LSMEM2: variants seen among roughly 807,000 people sequenced by gnomAD.
LSMEM2 encodes leucine-rich single-pass membrane protein 2.
In LSMEM2, 20 loss-of-function variants were observed where a neutral mutation model predicts 17.3. The observed-to-expected ratio is 1.16, with a 90% confidence interval of 0.81 to 1.68. The LOEUF (loss-of-function observed/expected upper bound fraction) is 1.68, where lower values mean the gene tolerates loss of function less well. LSMEM2 is among the 40% of genes most tolerant of loss of function. The pLI, the probability that LSMEM2 is intolerant of heterozygous loss-of-function variation, is 0.00. For synonymous variants in LSMEM2, 94 were observed against 97.8 expected, an observed-to-expected ratio of 0.96 and a Z score of 0.23; for missense variants, 207 against 214.3, an observed-to-expected ratio of 0.97 and a Z score of 0.21.
At chr3:50,279,794 T>G (rs1268558619) in intron 1 of LSMEM2, among the ~76,000 whole-genome samples, 1 of 151,934 alleles carries the variant, frequency 6.6e-6, no homozygotes, top group Non-Finnish European at 1.5e-5. Context: ...GGCCAGGACG[T>G]AGGACTGTCT....
chr3:50,281,084 C>G (rs1227618192), intron 1 of LSMEM2, among the ~76,000 whole-genome samples: 1 of 150,376 alleles, frequency 6.6e-6, no homozygotes, highest in Non-Finnish European at 1.5e-5. Flanking sequence ...GAGACAGAGT[C>G]TTGCTCTGTC....
At position 50,287,879 on chromosome 3, in the gene LSMEM2, T is replaced by C; in HGVS notation, c.*677T>C. 2.7e-6 allele frequency: 1 copy of C among 375,136 alleles called. No homozygotes were observed. The allele number at this position is 375,136 out of a possible 1,614,324, so 23.2% of individuals were successfully genotyped here. A position where few individuals can be genotyped will look rare whatever the true frequency, so the allele number is the denominator to read the frequency against. ...CCACCACCCCCCTAAGAGTGGGTCATCCTGGGGGAGCAAGGCCTGAGAAAG... is the reference window on the plus strand; with the variant it reads ...CCACCACCCCCCTAAGAGTGGGTCACCCTGGGGGAGCAAGGCCTGAGAAAG... On this transcript the variant is annotated 3_prime_UTR_variant, in exon 4 of 4. Coordinates refer to ENST00000316436, the MANE Select transcript of LSMEM2 (RefSeq NM_153215.3).
chr3:50,280,949 C>T (rs1179557379), intron 1 of LSMEM2, among the ~76,000 whole-genome samples: 2 of 152,096 alleles, frequency 1.3e-5, no homozygotes, highest in African/African-American at 2.4e-5. Flanking sequence ...TGTGCCTACC[C>T]TCTTTTGGGA....
intron 1 of LSMEM2, among the ~76,000 whole-genome samples, chr3:50,285,995 A>G (rs1380234538): frequency 6.6e-6 from 1 of 152,262 alleles, no homozygotes; most frequent in Admixed American, 6.5e-5. Flanking sequence ...AGCAGGGTTC[A>G]CACATGTACA....
At chr3:50,286,978 G>C in intron 3 of LSMEM2, 91 bp from the exon 4 acceptor site, 1 of 1,589,124 alleles carries the variant, frequency 6.3e-7, no homozygotes, top group Non-Finnish European at 8.6e-7. Flanking sequence ...GGATGGGGCG[G>C]GAGGCCCGTG....
intron 1 of LSMEM2, among the ~76,000 whole-genome samples, chr3:50,282,014 G>A (rs782775402): frequency 5.9e-5 from 9 of 151,814 alleles, no homozygotes; most frequent in Non-Finnish European, 1.3e-4. Context: ...CACCATGCCC[G>A]GCTAATTTTT....
chr3:50,278,409 ATGT>A (rs1247802840), upstream of LSMEM2, among the ~76,000 whole-genome samples: 4 of 152,316 alleles, frequency 2.6e-5, no homozygotes, highest in East Asian at 1.9e-4. Context: ...AATGCTCCAG[ATGT>A]TGTTCTCAGT....
rs1701590868 is a variant in LSMEM2, at chr3:50,288,094, AAAGT to A, written c.*893_*896del. 39 of 1,143,102 alleles carry A rather than the reference AAAGT, an allele frequency of 3.4e-5. No homozygotes were observed. The highest frequency in any genetic ancestry group is 4.9e-5 in the Non-Finnish European group (38 of 782,796). 70.8% of individuals were successfully genotyped at this position (1,143,102 alleles called of 1,614,324 possible). ...TTTTGGTTTTGTCATTAAAAAAAAT[AAAGT>A]GACAAATACTGGTGGAGACCAGTTG... On this transcript the variant is annotated 3_prime_UTR_variant, in exon 4 of 4. Coordinates refer to ENST00000316436, the MANE Select transcript of LSMEM2 (RefSeq NM_153215.3).
Position 50,287,241 on chromosome 3 carries a change from T to G in LSMEM2, c.*39T>G, listed in dbSNP as rs12629572. 0.15 allele frequency: 230,677 copies of G among 1,588,738 alleles called. 26,985 individuals carry two copies. Among genetic ancestry groups the G allele is most frequent in the East Asian group, 0.62 (25,584 of 41,476 alleles). On this transcript the variant is annotated 3_prime_UTR_variant, in exon 4 of 4. Coordinates refer to ENST00000316436, the MANE Select transcript of LSMEM2 (RefSeq NM_153215.3). ...TCTGGGGCCTGGGGGTGTGTGTTGG[T>G]GGGGGAATAAAGTGGCTATGGGCAG... is the stretch of plus-strand genomic sequence containing the variant.
chr3:50,281,277 G>C (rs1429069643), intron 1 of LSMEM2, among the ~76,000 whole-genome samples: 1 of 150,428 alleles, frequency 6.6e-6, no homozygotes, highest in Non-Finnish European at 1.5e-5. Flanking sequence ...AGCCAGGATG[G>C]TCTCGATCTC....
chr3:50,278,967 C>T, upstream of LSMEM2: 1 of 809,248 alleles, frequency 1.2e-6, no homozygotes, highest in African/African-American at 1.7e-5. Context: ...GATCACTCTG[C>T]CCCTTCCCAT....
chr3:50,288,105 T>C lies in LSMEM2; in HGVS notation c.*903T>C. 1 of 1,178,432 alleles carries C rather than the reference T, an allele frequency of 8.5e-7. No individual in the cohort carries two copies. The highest frequency in any genetic ancestry group is 1.2e-6 in the Non-Finnish European group (1 of 806,296). 73.0% of individuals were successfully genotyped at this position (1,178,432 alleles called of 1,614,324 possible). ...TCATTAAAAAAAATAAAGTGACAAA[T>C]ACTGGTGGAGACCAGTTGTTGCACT... On this transcript the variant is annotated 3_prime_UTR_variant, in exon 4 of 4. Coordinates refer to ENST00000316436, the MANE Select transcript of LSMEM2 (RefSeq NM_153215.3).
At chr3:50,280,228 C>T (rs1386296977) in intron 1 of LSMEM2, among the ~76,000 whole-genome samples, 5 of 143,750 alleles carry the variant, frequency 3.5e-5, no homozygotes, top group Admixed American at 2.1e-4. Flanking sequence ...GGTCTCGGCT[C>T]ACTGCAACCT....
At position 50,288,092 on chromosome 3, in the gene LSMEM2, A is replaced by C; in HGVS notation, c.*890A>C. 8.8e-7 allele frequency: 1 copy of C among 1,140,256 alleles called. No individual in the cohort carries two copies. Among genetic ancestry groups the C allele is most frequent in the Middle Eastern group, 2.1e-4 (1 of 4,750 alleles). The allele number at this position is 1,140,256 out of a possible 1,614,324, so 70.6% of individuals were successfully genotyped here. The stretch of plus-strand genomic sequence containing the variant: ...GTTTTTGGTTTTGTCATTAAAAAAA[A>C]TAAAGTGACAAATACTGGTGGAGAC... On this transcript the variant is annotated 3_prime_UTR_variant, in exon 4 of 4. Coordinates refer to ENST00000316436, the MANE Select transcript of LSMEM2 (RefSeq NM_153215.3).
chr3:50,282,295 G>A (rs1575482894), intron 1 of LSMEM2, among the ~76,000 whole-genome samples: 1 of 152,154 alleles, frequency 6.6e-6, no homozygotes, highest in African/African-American at 2.4e-5. Flanking sequence ...GGCCCAAAGA[G>A]AGAATTTAAT....
intron 1 of LSMEM2, among the ~76,000 whole-genome samples, chr3:50,283,626 CAAAAAA>C (rs782534727): frequency 5.6e-5 from 3 of 53,594 alleles, no homozygotes; most frequent in African/African-American, 1.4e-4. Flanking sequence ...GACTCCATCT[CAAAAAA>C]AAAAAAAAAA....
intron 1 of LSMEM2, among the ~76,000 whole-genome samples, chr3:50,285,901 GAT>G (rs1354709244): frequency 2.2e-4 from 33 of 152,260 alleles, no homozygotes; most frequent in African/African-American, 7.5e-4. Flanking sequence ...GCCTCAGGGA[GAT>G]GTGTGAAGGG....
chr3:50,283,201 C>T (rs587709433), intron 1 of LSMEM2, among the ~76,000 whole-genome samples: 50 of 151,234 alleles, frequency 3.3e-4, no homozygotes, highest in African/African-American at 8.7e-4. Context: ...AACAAACAAA[C>T]GAAACACCGG....
At position 50,287,201 on chromosome 3, in the gene LSMEM2, G is replaced by A. The variant is rs1553708722; in HGVS notation, c.494G>A (p.Ter165=). 3 of 1,613,792 alleles carry A rather than the reference G, an allele frequency of 1.9e-6. No homozygotes were observed. The highest frequency in any genetic ancestry group is 2.5e-6 in the Non-Finnish European group (3 of 1,179,982). Residue 165 remains the stop codon, a stop_retained_variant, in exon 4 of 4, where the codon TGA becomes TAA. Coordinates refer to ENST00000316436, the MANE Select transcript of LSMEM2 (RefSeq NM_153215.3). ...TCCAGTGAGGCCCAAGCACCCAGCT[G>A]AGATGCCATTTGGATCTGGGGCCTG... The part of the protein sequence containing the change: ...LNSSEAQAPS[*]
Sources: gnomAD v4.1 joint callset for allele counts (sites outside exome capture counted in the v4.1 genomes callset) on GRCh38, gnomAD v4.1.1 for gene constraint, MANE v1.5 for transcripts, NCBI Gene and HGNC (gene_info 2026-07-23, HGNC 2026-07-21) for gene names.